HMGCLL1: variants seen among roughly 807,000 people sequenced by gnomAD.
HMGCLL1 encodes the protein 3-hydroxy-3-methylglutaryl-CoA lyase like 1, also known as 3-hydroxymethyl-3-methylglutaryl-CoA lyase, cytoplasmic.
A neutral mutation model predicts 39.1 loss-of-function variants in HMGCLL1; 36 were observed. That is an observed-to-expected ratio of 0.92 (90% confidence interval 0.71 to 1.22). The LOEUF (loss-of-function observed/expected upper bound fraction) is 1.22, where lower values mean the gene tolerates loss of function less well. Among genes scored for constraint, HMGCLL1 ranks in the 50% most tolerant of loss-of-function variants. The pLI is 0.00. For synonymous variants in HMGCLL1, 149 were observed against 144.0 expected, an observed-to-expected ratio of 1.03 and a Z score of -0.25; for missense variants, 451 against 416.5, an observed-to-expected ratio of 1.08 and a Z score of -0.72.
intron 7 of HMGCLL1, among the ~76,000 whole-genome samples, chr6:55,494,029 C>T (rs1427505000): frequency 2.0e-5 from 3 of 152,116 alleles, no homozygotes; most frequent in South Asian, 2.1e-4. Context: ...TGAGCCACCG[C>T]GCCTGGCCCC....
At chr6:55,523,360 G>A (rs1361666217) in intron 3 of HMGCLL1, among the ~76,000 whole-genome samples, 1 of 151,998 alleles carries the variant, frequency 6.6e-6, no homozygotes, top group Admixed American at 6.6e-5. Flanking sequence ...TGAAAGGTAA[G>A]CTTTACTGGC....
chr6:55,675,455 A>G, the HMGCLL1 span, among the ~76,000 whole-genome samples: 1 of 152,118 alleles, frequency 6.6e-6, no homozygotes, highest in African/African-American at 2.4e-5. Context: ...CATTTTTGGA[A>G]TAAATTATGT....
chr6:55,550,954 C>T (rs1770294032), intron 1 of HMGCLL1, among the ~76,000 whole-genome samples: 1 of 150,222 alleles, frequency 6.7e-6, no homozygotes, highest in Admixed American at 6.7e-5. Flanking sequence ...TTAATGAAGG[C>T]TATAGCTCAT....
intron 3 of HMGCLL1, among the ~76,000 whole-genome samples, chr6:55,524,061 C>G (rs930098265): frequency 1.3e-5 from 2 of 151,836 alleles, no homozygotes; most frequent in African/African-American, 4.8e-5. Flanking sequence ...TATCTGCGTA[C>G]AAATTTACAT....
chr6:55,656,109 T>C, the HMGCLL1 span, among the ~76,000 whole-genome samples: 1 of 152,032 alleles, frequency 6.6e-6, no homozygotes, highest in Admixed American at 6.6e-5. Context: ...TCGGGAATTT[T>C]TTTCAATATC....
the HMGCLL1 span, among the ~76,000 whole-genome samples, chr6:55,677,059 T>A: frequency 6.6e-6 from 1 of 152,190 alleles, no homozygotes; most frequent in Admixed American, 6.5e-5. Flanking sequence ...ATTTCTAGGC[T>A]TTTTCAAGCC....
intron 1 of HMGCLL1, 55 bp from the exon 2 acceptor site, chr6:55,542,195 C>G: frequency 8.3e-7 from 1 of 1,207,162 alleles, no homozygotes; most frequent in Non-Finnish European, 1.2e-6. Context: ...GTTACATTTG[C>G]TTATTTGAAA....
At chr6:55,453,213 C>A (rs1217100121) in intron 7 of HMGCLL1, among the ~76,000 whole-genome samples, 1 of 152,184 alleles carries the variant, frequency 6.6e-6, no homozygotes, top group Non-Finnish European at 1.5e-5. Flanking sequence ...GAATCTCGCT[C>A]TGTCGCCCAG....
Position 55,485,197 on chromosome 6 carries a change from A to G in HMGCLL1, c.795+10222T>C, listed in dbSNP as rs145694651. Among the ~76,000 whole-genome samples, 634 of 151,964 alleles carry G rather than the reference A, an allele frequency of 4.2e-3. 7 individuals are homozygous for G. Among genetic ancestry groups the G allele is most frequent in the African/African-American group, 0.014 (596 of 41,440 alleles). On this transcript the variant is annotated intron_variant, in intron 7 of 8. Transcript: ENST00000274901. ...TAAATACTGCAACCTGCCCCCTTTCACCACCCCTCCAAATTTCCCATCTTC... is the reference window on the plus strand; with the variant it reads ...TAAATACTGCAACCTGCCCCCTTTCGCCACCCCTCCAAATTTCCCATCTTC...
At chr6:55,586,964 T>A in the HMGCLL1 span, among the ~76,000 whole-genome samples, 8 of 152,120 alleles carry the variant, frequency 5.3e-5, 1 homozygote, top group South Asian at 1.2e-3. Flanking sequence ...CCCTGAGGAA[T>A]CGCCACACTG....
At chr6:55,562,960 C>T (rs1221566085) in intron 1 of HMGCLL1, among the ~76,000 whole-genome samples, 1 of 151,910 alleles carries the variant, frequency 6.6e-6, no homozygotes, top group Non-Finnish European at 1.5e-5. Flanking sequence ...CTACCATTTA[C>T]CCAACAATAG....
chr6:55,511,144 T>C (rs1767437127), intron 5 of HMGCLL1, among the ~76,000 whole-genome samples: 2 of 152,120 alleles, frequency 1.3e-5, no homozygotes, highest in African/African-American at 4.8e-5. Context: ...CTTTTATTTT[T>C]CTTTGCCCTC....
chr6:55,619,900 C>T, the HMGCLL1 span, among the ~76,000 whole-genome samples: 7,177 of 152,146 alleles, frequency 0.047, 225 homozygotes, highest in Non-Finnish European at 0.076. Context: ...AGTTCAATTG[C>T]CTAAATTTTT....
intron 1 of HMGCLL1, among the ~76,000 whole-genome samples, chr6:55,565,762 T>A (rs914007145): frequency 6.6e-6 from 1 of 152,056 alleles, no homozygotes; most frequent in African/African-American, 2.4e-5. Flanking sequence ...TTAAATTAAA[T>A]ATTAAAATAC....
the HMGCLL1 span, among the ~76,000 whole-genome samples, chr6:55,590,587 AG>A: frequency 6.6e-6 from 1 of 152,138 alleles, no homozygotes; most frequent in Non-Finnish European, 1.5e-5. Flanking sequence ...TGCACAGCAA[AG>A]GAAACTACAA....
intron 1 of HMGCLL1, among the ~76,000 whole-genome samples, chr6:55,565,804 A>T (rs1771183713): frequency 6.6e-6 from 1 of 152,086 alleles, no homozygotes. Context: ...AAGTGATAGT[A>T]GACATTCATG....
At chr6:55,582,813 TATTTA>T (rs1332549071), upstream of HMGCLL1, among the ~76,000 whole-genome samples, 2 of 152,168 alleles carry the variant, frequency 1.3e-5, no homozygotes, top group African/African-American at 4.8e-5. Context: ...CATTTTATTT[TATTTA>T]AATTATTTGA....
intron 7 of HMGCLL1, among the ~76,000 whole-genome samples, chr6:55,471,621 C>T (rs1207099559): frequency 4.6e-5 from 7 of 151,650 alleles, no homozygotes; most frequent in Non-Finnish European, 7.4e-5. Flanking sequence ...TTTTATGTGA[C>T]ATTTGTGTTC....
intron 1 of HMGCLL1, among the ~76,000 whole-genome samples, chr6:55,559,485 T>C (rs1321126595): frequency 6.6e-6 from 1 of 151,958 alleles, no homozygotes; most frequent in Non-Finnish European, 1.5e-5. Flanking sequence ...ACTTTCTGAG[T>C]GAAGTGGTAG....
Sources: gnomAD v4.1 joint callset for allele counts (sites outside exome capture counted in the v4.1 genomes callset) on GRCh38, gnomAD v4.1.1 for gene constraint, MANE v1.5 for transcripts, NCBI Gene and HGNC (gene_info 2026-07-23, HGNC 2026-07-21) for gene names.